GPR149: variants seen among roughly 807,000 people sequenced by gnomAD.
GPR149 encodes G protein-coupled receptor 149.
Under a neutral mutation model 50.2 loss-of-function variants are expected in GPR149, and 50 were observed. The observed-to-expected ratio is 1.00, with a 90% CI of 0.79 to 1.26. GPR149 has a LOEUF of 1.26. Ranked by LOEUF, GPR149 falls within the 50% of genes most tolerant of loss-of-function variation. The probability of loss-of-function intolerance (pLI) is 0.00; values close to 1 mark genes in which losing one functional copy is unlikely to be tolerated. For missense variants in GPR149, 983 were observed against 895.4 expected, an observed-to-expected ratio of 1.10 and a Z score of -1.25; for synonymous variants, 405 against 358.2, an observed-to-expected ratio of 1.13 and a Z score of -1.48.
rs763039910 is a variant in GPR149 at position 154,427,563 on chromosome 3, A to T, written c.1127T>A (p.Ile376Asn). 6.2e-7 allele frequency: 1 copy of T among 1,613,984 alleles called. No homozygotes were observed. Among genetic ancestry groups the T allele is most frequent in the South Asian group, 1.1e-5 (1 of 91,060 alleles). Residue 376 changes from isoleucine to asparagine, a missense_variant, in exon 2 of 4, where the codon ATC becomes AAC. Ile to Asn is a moderately radical substitution (Grantham distance 149, BLOSUM62 -3). Transcript: ENST00000389740. The stretch of plus-strand genomic sequence containing the variant: ...TGCATATGCGTTCTGCCTGCAGTTG[A>T]TGATGCAGCCACAGGGCAAGTGGGT... ...RWTHLPCGCI[I>N]NCRQNAYAVA...
chr3:154,378,676 T>A (rs1428899118), intron 3 of GPR149, among the ~76,000 whole-genome samples: 1 of 152,228 alleles, frequency 6.6e-6, no homozygotes, highest in African/African-American at 2.4e-5. Context: ...TTTAGAATTT[T>A]ACATTCCCAC....
chr3:154,403,821 G>A (rs1256525655), intron 3 of GPR149, among the ~76,000 whole-genome samples: 1 of 151,796 alleles, frequency 6.6e-6, no homozygotes, highest in African/African-American at 2.4e-5. Flanking sequence ...ATGTAAATAT[G>A]ATTTAGGTGG....
rs1712427506 is a variant in GPR149 at position 154,429,569 on chromosome 3, C to T, written c.47G>A (p.Trp16Ter). The T allele has an allele frequency of 6.2e-7, 1 of 1,613,692 alleles. No homozygotes were observed. The highest frequency in any genetic ancestry group is 8.5e-7 in the Non-Finnish European group (1 of 1,179,604). Reference protein sequence around the residue: ...SNLSTNDSSLWKENHNSTDLL... With the variant: ...SNLSTNDSSL ...GTCCGTAGAATTATGATTCTCTTTC[C>T]ACAGGCTAGAGTCATTTGTTGATAA... Residue 16 changes from tryptophan (W) to a stop codon, truncating the protein, a stop_gained, in exon 1 of 4, where the codon TGG (tryptophan) becomes TAG (stop). Transcript: ENST00000389740. LOFTEE classifies it high-confidence loss of function.
intron 2 of GPR149, among the ~76,000 whole-genome samples, chr3:154,426,797 A>G (rs1337855198): frequency 6.6e-6 from 1 of 151,650 alleles, no homozygotes; most frequent in Admixed American, 6.6e-5. Flanking sequence ...ACATGAACAC[A>G]CAGTAACAAA....
chr3:154,387,632 T>C (rs1715075456), intron 3 of GPR149, among the ~76,000 whole-genome samples: 1 of 152,184 alleles, frequency 6.6e-6, no homozygotes, highest in African/African-American at 2.4e-5. Context: ...CTACTATCTC[T>C]GGTTGTCTTA....
chr3:154,420,453 T>C (rs1712108741), intron 3 of GPR149, among the ~76,000 whole-genome samples: 1 of 152,056 alleles, frequency 6.6e-6, no homozygotes. Flanking sequence ...AAAATGATTC[T>C]TCCATATTTA....
chr3:154,338,964 A>T (rs1713720179), intron 3 of GPR149, among the ~76,000 whole-genome samples: 1 of 152,220 alleles, frequency 6.6e-6, no homozygotes, highest in Non-Finnish European at 1.5e-5. Flanking sequence ...AGATTTTTTT[A>T]AAACTGTACT....
intron 2 of GPR149, among the ~76,000 whole-genome samples, chr3:154,423,849 A>G (rs902112373): frequency 6.6e-6 from 1 of 151,514 alleles, no homozygotes; most frequent in Non-Finnish European, 1.5e-5. Flanking sequence ...TATTATTATT[A>G]TTTTTTATTA....
chr3:154,428,131 T>A (rs1712360867), intron 1 of GPR149, among the ~76,000 whole-genome samples: 2 of 152,158 alleles, frequency 1.3e-5, no homozygotes, highest in African/African-American at 4.8e-5. Flanking sequence ...GGCTTCCTCC[T>A]GGAAGGAGGA....
intron 3 of GPR149, among the ~76,000 whole-genome samples, chr3:154,360,426 TA>T (rs1241991520): frequency 6.6e-6 from 1 of 152,086 alleles, no homozygotes; most frequent in Non-Finnish European, 1.5e-5. Flanking sequence ...ACATATAGAG[TA>T]AAAAATAAAC....
intron 3 of GPR149, among the ~76,000 whole-genome samples, chr3:154,401,234 G>T (rs1382194124): frequency 6.6e-6 from 1 of 152,142 alleles, no homozygotes; most frequent in Admixed American, 6.5e-5. Context: ...ACACTTTTCT[G>T]GCTTTGCAGA....
At chr3:154,343,601 T>C (rs1388252498) in intron 3 of GPR149, among the ~76,000 whole-genome samples, 1 of 152,044 alleles carries the variant, frequency 6.6e-6, no homozygotes. Context: ...TTTCAAAAAT[T>C]TGCCCTAATG....
chr3:154,427,879 C>G lies in GPR149; in HGVS notation c.982-171G>C, dbSNP rs201623979. On this transcript the variant is annotated intron_variant, in intron 1 of 3. Transcript: ENST00000389740. ...GTCCTTGGTGATGGGCTCCTGGGAACGGCGGGGCACACCCCCAGGGTTGGG... is the reference window on the plus strand; with the variant it reads ...GTCCTTGGTGATGGGCTCCTGGGAAGGGCGGGGCACACCCCCAGGGTTGGG... Among the ~76,000 whole-genome samples the G allele has an allele frequency of 9.2e-5, 14 of 152,330 alleles. 1 individual carries two copies. The East Asian group carries it at 2.1e-3, about 23-fold the overall frequency.
At chr3:154,351,089 T>C (rs1384432792) in intron 3 of GPR149, among the ~76,000 whole-genome samples, 1 of 151,920 alleles carries the variant, frequency 6.6e-6, no homozygotes, top group African/African-American at 2.4e-5. Flanking sequence ...GTTGACTGTA[T>C]AATGGGAGGA....
At chr3:154,350,593 T>C (rs1419479178) in intron 3 of GPR149, among the ~76,000 whole-genome samples, 1 of 152,154 alleles carries the variant, frequency 6.6e-6, no homozygotes, top group Admixed American at 6.5e-5. Flanking sequence ...GACTTGACAG[T>C]AAAGATATCA....
At chr3:154,401,814 T>C (rs539772652) in intron 3 of GPR149, among the ~76,000 whole-genome samples, 9 of 152,166 alleles carry the variant, frequency 5.9e-5, no homozygotes, top group Non-Finnish European at 1.0e-4. Context: ...AAATTACTCA[T>C]TGCAAAAGAT....
At chr3:154,338,464 A>G (rs773494795) in intron 3 of GPR149, among the ~76,000 whole-genome samples, 193 bp from the exon 4 acceptor site, 5 of 152,200 alleles carry the variant, frequency 3.3e-5, no homozygotes, top group Non-Finnish European at 4.4e-5. Context: ...GCCAAATCAG[A>G]CATTTAATGA....
intron 3 of GPR149, among the ~76,000 whole-genome samples, chr3:154,412,799 CA>C (rs1208324999): frequency 6.6e-6 from 1 of 151,932 alleles, no homozygotes; most frequent in East Asian, 1.9e-4. Context: ...ACTAGAAAAA[CA>C]ATCCTAAAAT....
intron 3 of GPR149, among the ~76,000 whole-genome samples, chr3:154,372,060 C>T (rs991962180): frequency 2.0e-5 from 3 of 146,918 alleles, no homozygotes; most frequent in Non-Finnish European, 4.5e-5. Context: ...GCCCCTTCTT[C>T]GCCCCTCATC....
Sources: gnomAD v4.1 joint callset for allele counts (sites outside exome capture counted in the v4.1 genomes callset) on GRCh38, gnomAD v4.1.1 for gene constraint, MANE v1.5 for transcripts, NCBI Gene and HGNC (gene_info 2026-07-23, HGNC 2026-07-21) for gene names.